RARB: variants seen among roughly 807,000 people sequenced by gnomAD.
RARB encodes retinoic acid receptor beta.
A neutral mutation model predicts 51.9 loss-of-function variants in RARB; 17 were observed. The observed-to-expected ratio is 0.33, with a 90% CI of 0.22 to 0.49. RARB has a LOEUF of 0.49. RARB is among the 20% of genes least tolerant of loss of function. The pLI, the probability that RARB is intolerant of heterozygous loss-of-function variation, is 0.99. For synonymous variants in RARB, 215 were observed against 195.4 expected (o/e 1.10, Z -0.84); for missense variants, 369 against 550.8 (o/e 0.67, Z 3.30).
chr3:25,306,434 G>A (rs1039878933), intron 5 of RARB, among the ~76,000 whole-genome samples: 1 of 151,546 alleles, frequency 6.6e-6, no homozygotes, highest in Non-Finnish European at 1.5e-5. Context: ...CATGTAATGT[G>A]TTATTGATGT....
chr3:24,916,174 A>G (rs189655663), intron 2 of RARB, among the ~76,000 whole-genome samples: 1 of 152,308 alleles, frequency 6.6e-6, no homozygotes, highest in Admixed American at 6.5e-5. Context: ...CACAGAAAGC[A>G]GTAGGACACA....
chr3:25,197,122 T>A (rs550504740), intron 5 of RARB, among the ~76,000 whole-genome samples: 1 of 152,174 alleles, frequency 6.6e-6, no homozygotes, highest in East Asian at 1.9e-4. Flanking sequence ...TTTTGGTGTT[T>A]TAGACATGAA....
At chr3:25,557,137 T>TCACACA (rs55731301) in intron 3 of RARB, among the ~76,000 whole-genome samples, 3,631 of 145,406 alleles carry the variant, frequency 0.025, 109 homozygotes, top group African/African-American at 0.072. Flanking sequence ...GGCATTGCAT[T>TCACACA]CACACACACA....
chr3:25,051,518 A>G (rs573082661), intron 2 of RARB, among the ~76,000 whole-genome samples: 12 of 152,188 alleles, frequency 7.9e-5, no homozygotes, highest in African/African-American at 2.6e-4. Context: ...ATCAAGCGGT[A>G]TATCTTTGAA....
intron 1 of RARB, among the ~76,000 whole-genome samples, chr3:24,850,212 A>T (rs1473273850): frequency 3.0e-4 from 45 of 152,252 alleles, no homozygotes; most frequent in Non-Finnish European, 5.3e-4. Flanking sequence ...ACACAGTTGC[A>T]CTGGGGGTTA....
intron 3 of RARB, among the ~76,000 whole-genome samples, chr3:25,540,323 A>G (rs1699323775): frequency 6.6e-6 from 1 of 152,142 alleles, no homozygotes; most frequent in Admixed American, 6.5e-5. Flanking sequence ...AGGCTTTTTA[A>G]TCTTCCTAGT....
intron 5 of RARB, among the ~76,000 whole-genome samples, chr3:25,407,245 C>A (rs1276310594): frequency 6.6e-6 from 1 of 152,138 alleles, no homozygotes; most frequent in Non-Finnish European, 1.5e-5. Context: ...TCACTACAAA[C>A]AAACAGACGG....
chr3:25,213,163 T>G (rs926978190), intron 5 of RARB, among the ~76,000 whole-genome samples: 1 of 152,150 alleles, frequency 6.6e-6, no homozygotes, highest in Non-Finnish European at 1.5e-5. Context: ...GTGTACATAA[T>G]GCTTGGGTCA....
Position 25,023,453 on chromosome 3 carries a change from A to G in RARB, c.-379-36672A>G, listed in dbSNP as rs551545698. On this transcript the variant is annotated intron_variant, in intron 2 of 11. Coordinates refer to the RARB transcript ENST00000383772. Reference sequence around the variant, plus strand: ...ATTGATTAAATAAAGGCCTAGGACTAATAGCTCAGTATGTGTTTATGAGCA... The same window carrying G: ...ATTGATTAAATAAAGGCCTAGGACTGATAGCTCAGTATGTGTTTATGAGCA... 1.1e-4 allele frequency among the ~76,000 whole-genome samples: 16 copies of G among 152,288 alleles called. No homozygotes were observed. In the South Asian group the frequency reaches 3.3e-3, roughly 32 times the overall value.
chr3:25,082,293 G>T (rs191218465), intron 3 of RARB, among the ~76,000 whole-genome samples: 18 of 151,868 alleles, frequency 1.2e-4, no homozygotes, highest in African/African-American at 4.1e-4. Context: ...ATACTATTTT[G>T]CTATTTGTTT....
chr3:24,982,264 G>C (rs1255976169), intron 2 of RARB, among the ~76,000 whole-genome samples: 1 of 152,174 alleles, frequency 6.6e-6, no homozygotes, highest in African/African-American at 2.4e-5. Context: ...CTGCAACTCT[G>C]AACCAGGTGG....
intron 2 of RARB, among the ~76,000 whole-genome samples, chr3:24,860,714 C>A (rs982612458): frequency 6.6e-6 from 1 of 152,078 alleles, no homozygotes; most frequent in Non-Finnish European, 1.5e-5. Context: ...AGAATACCCC[C>A]TAAGTATGTT....
chr3:25,578,600 C>T (rs1341222723), intron 4 of RARB, among the ~76,000 whole-genome samples: 2 of 152,200 alleles, frequency 1.3e-5, no homozygotes, highest in African/African-American at 4.8e-5. Flanking sequence ...TTAATTACGG[C>T]CCAAATGGCC....
intron 2 of RARB, among the ~76,000 whole-genome samples, chr3:24,993,427 A>G (rs1336603990): frequency 6.6e-6 from 1 of 152,178 alleles, no homozygotes; most frequent in Non-Finnish European, 1.5e-5. Flanking sequence ...TAATTTACAA[A>G]TAACAATTGT....
chr3:25,594,770 G>A, intron 7 of RARB, 92 bp downstream of exon 7: 1 of 1,209,368 alleles, frequency 8.3e-7, no homozygotes, highest in Non-Finnish European at 1.1e-6. Flanking sequence ...GATGTTTAAT[G>A]GCTGCTTTTA....
intron 5 of RARB, among the ~76,000 whole-genome samples, chr3:25,306,104 A>G (rs1260718171): frequency 1.3e-5 from 2 of 152,154 alleles, no homozygotes; most frequent in Non-Finnish European, 2.9e-5. Flanking sequence ...AATTGAGAAC[A>G]CAGGGGGAAA....
intron 1 of RARB, among the ~76,000 whole-genome samples, chr3:25,456,825 C>A (rs1340465079): frequency 6.6e-6 from 1 of 150,750 alleles, no homozygotes; most frequent in Non-Finnish European, 1.5e-5. Flanking sequence ...GCATTTGTAG[C>A]ATTCAAATTA....
chr3:25,292,434 G>A (rs1408626802), intron 5 of RARB, among the ~76,000 whole-genome samples: 1 of 152,186 alleles, frequency 6.6e-6, no homozygotes, highest in Non-Finnish European at 1.5e-5. Flanking sequence ...TTCTCTCAAA[G>A]AGGGGAGCCA....
chr3:24,902,198 T>A (rs1252950423), intron 2 of RARB, among the ~76,000 whole-genome samples: 1 of 152,192 alleles, frequency 6.6e-6, no homozygotes, highest in East Asian at 1.9e-4. Flanking sequence ...AGATCTAGAA[T>A]TTGACCACAG....
Sources: allele counts gnomAD v4.1 joint callset (sites outside exome capture counted in the v4.1 genomes callset), GRCh38; gene constraint gnomAD v4.1.1; transcripts MANE v1.5; gene names NCBI Gene and HGNC (gene_info 2026-07-23, HGNC 2026-07-21).